The following CCSER1 variants were observed in gnomAD, a reference collection of about 807,000 sequenced individuals.
CCSER1 encodes serine-rich coiled-coil domain-containing protein 1.
A neutral mutation model predicts 82.0 loss-of-function variants in CCSER1; 41 were observed. The ratio of observed to expected loss-of-function variants is 0.50; its 90% CI spans 0.39 to 0.65. The LOEUF (loss-of-function observed/expected upper bound fraction) is 0.65. CCSER1 is among the 30% of genes least tolerant of loss of function. CCSER1 has a pLI of 0.00. For synonymous variants in CCSER1, 414 were observed against 383.9 expected, an observed-to-expected ratio of 1.08 and a Z score of -0.92; for missense variants, 1,119 against 1,064.2, an observed-to-expected ratio of 1.05 and a Z score of -0.72.
At chr4:90,713,928 C>A (rs1043578755) in intron 6 of CCSER1, among the ~76,000 whole-genome samples, 1 of 152,056 alleles carries the variant, frequency 6.6e-6, no homozygotes, top group East Asian at 1.9e-4. Context: ...TATGCTTGAT[C>A]TATTCTGCTA....
intron 10 of CCSER1, among the ~76,000 whole-genome samples, chr4:91,172,717 G>A (rs534508519): frequency 3.2e-4 from 49 of 152,182 alleles, no homozygotes; most frequent in African/African-American, 9.6e-4. Context: ...TTTCATCCAG[G>A]GGTTTTCCTC....
intron 5 of CCSER1, among the ~76,000 whole-genome samples, chr4:90,617,725 A>C (rs892392040): frequency 6.6e-6 from 1 of 152,150 alleles, no homozygotes; most frequent in African/African-American, 2.4e-5. Context: ...TGAATAATGG[A>C]AAGTAATTCA....
At chr4:90,550,242 G>A (rs1777292898) in intron 5 of CCSER1, among the ~76,000 whole-genome samples, 1 of 151,960 alleles carries the variant, frequency 6.6e-6, no homozygotes, top group Admixed American at 6.6e-5. Flanking sequence ...ATGTGTGTGT[G>A]TTTACAGCAT....
At chr4:90,411,778 C>A (rs945044922) in intron 4 of CCSER1, among the ~76,000 whole-genome samples, 1 of 152,142 alleles carries the variant, frequency 6.6e-6, no homozygotes, top group Non-Finnish European at 1.5e-5. Context: ...CCAGGGCAAT[C>A]AGGCAGGGGA....
At chr4:91,380,316 C>G (rs1750783244) in intron 10 of CCSER1, among the ~76,000 whole-genome samples, 1 of 152,042 alleles carries the variant, frequency 6.6e-6, no homozygotes, top group Admixed American at 6.6e-5. Flanking sequence ...AACTTTCTGT[C>G]TCATTGATCT....
intron 5 of CCSER1, among the ~76,000 whole-genome samples, chr4:90,502,232 C>T (rs1200239768): frequency 6.6e-6 from 1 of 152,212 alleles, no homozygotes; most frequent in East Asian, 1.9e-4. Context: ...CCTCAGGAAA[C>T]TTACCAGCAT....
intron 10 of CCSER1, among the ~76,000 whole-genome samples, chr4:91,472,780 T>C (rs1757353670): frequency 6.6e-6 from 1 of 152,192 alleles, no homozygotes; most frequent in African/African-American, 2.4e-5. Context: ...ATGACAAGCC[T>C]TAACAATAGT....
chr4:90,838,956 G>A (rs753314923), intron 8 of CCSER1: 1 of 1,613,304 alleles, frequency 6.2e-7, no homozygotes, highest in South Asian at 1.1e-5. Flanking sequence ...GAAGGCAGTG[G>A]ATTTTTCTCT....
intron 10 of CCSER1, among the ~76,000 whole-genome samples, chr4:91,127,241 C>A (rs1295384604): frequency 6.6e-6 from 1 of 151,972 alleles, no homozygotes; most frequent in East Asian, 1.9e-4. Context: ...TTACCAAGGG[C>A]ACTATATGGA....
chr4:91,335,561 G>C (rs1015708955), intron 10 of CCSER1, among the ~76,000 whole-genome samples: 1 of 152,100 alleles, frequency 6.6e-6, no homozygotes, highest in African/African-American at 2.4e-5. Context: ...CTCACGGGGA[G>C]TGCAGAGGAA....
At chr4:91,417,719 G>A (rs1395870972) in intron 10 of CCSER1, among the ~76,000 whole-genome samples, 1 of 151,828 alleles carries the variant, frequency 6.6e-6, no homozygotes, top group Admixed American at 6.6e-5. Flanking sequence ...GAGAGCATCA[G>A]GAAGAATAGC....
intron 3 of CCSER1, among the ~76,000 whole-genome samples, chr4:90,333,174 A>G (rs140156932): frequency 6.6e-6 from 1 of 152,250 alleles, no homozygotes; most frequent in Non-Finnish European, 1.5e-5. Context: ...ATTCCTGGTG[A>G]TGTTACTTTT....
Position 90,513,579 on chromosome 4 carries a change from T to C in CCSER1, c.1724+45225T>C, listed in dbSNP as rs548639051. Among the ~76,000 whole-genome samples, 25 of 152,300 alleles carry C rather than the reference T, an allele frequency of 1.6e-4. No homozygotes were observed. In the South Asian group the frequency reaches 4.8e-3, roughly 29 times the overall value. Reference sequence around the variant, plus strand: ...CAGGTATTTTTGTCCCTCCTCCCCATCTGCTGCATTCTCAGTGCTTGATTG... The same window carrying C: ...CAGGTATTTTTGTCCCTCCTCCCCACCTGCTGCATTCTCAGTGCTTGATTG... On this transcript the variant is annotated intron_variant, in intron 5 of 10. Coordinates refer to ENST00000509176, the MANE Select transcript of CCSER1 (RefSeq NM_001145065.2).
chr4:91,096,594 C>T (rs926837671), intron 10 of CCSER1, among the ~76,000 whole-genome samples: 1 of 152,148 alleles, frequency 6.6e-6, no homozygotes, highest in African/African-American at 2.4e-5. Context: ...TCCAGGCTTC[C>T]TTCTGATGGC....
chr4:90,698,431 A>G (rs578188876), intron 6 of CCSER1, among the ~76,000 whole-genome samples: 14 of 152,342 alleles, frequency 9.2e-5, no homozygotes, highest in African/African-American at 3.4e-4. Context: ...GACAAGGAAT[A>G]TGATGTTTCA....
At chr4:91,559,965 T>C (rs1292613356) in intron 10 of CCSER1, among the ~76,000 whole-genome samples, 1 of 151,340 alleles carries the variant, frequency 6.6e-6, no homozygotes, top group African/African-American at 2.4e-5. Context: ...AGAAATCAAA[T>C]TTTGACAATA....
intron 7 of CCSER1, among the ~76,000 whole-genome samples, 158 bp downstream of exon 7, chr4:90,724,149 T>G (rs1429743916): frequency 6.6e-6 from 1 of 152,080 alleles, no homozygotes; most frequent in Non-Finnish European, 1.5e-5. Flanking sequence ...CCATTGTCAT[T>G]CTATTGCTAA....
chr4:90,353,105 T>C (rs186621076), intron 3 of CCSER1, among the ~76,000 whole-genome samples: 1 of 152,340 alleles, frequency 6.6e-6, no homozygotes, highest in Admixed American at 6.5e-5. Flanking sequence ...CTCTTCCCAC[T>C]TCCTTCCCTG....
chr4:90,861,378 G>GT (rs1490774564), intron 8 of CCSER1, among the ~76,000 whole-genome samples: 38 of 151,794 alleles, frequency 2.5e-4, no homozygotes, highest in African/African-American at 8.4e-4. Context: ...CAATAACACA[G>GT]TATTATGTAT....
Sources: gnomAD v4.1 joint callset for allele counts (sites outside exome capture counted in the v4.1 genomes callset) on GRCh38, gnomAD v4.1.1 for gene constraint, MANE v1.5 for transcripts, NCBI Gene and HGNC (gene_info 2026-07-23, HGNC 2026-07-21) for gene names.